RANBP17: variants seen among roughly 807,000 people sequenced by gnomAD.
RANBP17 encodes the protein ran-binding protein 17.
RANBP17 carries 158 observed loss-of-function variants against 141.2 expected under a neutral mutation model. The observed-to-expected ratio is 1.12, with a 90% CI of 0.98 to 1.28. The LOEUF (loss-of-function observed/expected upper bound fraction) is 1.28, where lower values mean the gene tolerates loss of function less well. RANBP17 is among the 50% of genes most tolerant of loss of function. The pLI is 0.00. For synonymous variants in RANBP17, 430 were observed against 450.0 expected, an observed-to-expected ratio of 0.96 and a Z score of 0.56; for missense variants, 1,438 against 1,290.7, an observed-to-expected ratio of 1.11 and a Z score of -1.75.
chr5:171,125,190 G>A lies in RANBP17; in HGVS notation c.1711-44940G>A, dbSNP rs558281843. On this transcript the variant is annotated intron_variant, in intron 14 of 27. Transcript: ENST00000523189. ...CAGATGCCTATAATCCCACCTACTC[G>A]GGAGGCTGAGGCATGAGAATCACTT... 4.6e-5 allele frequency among the ~76,000 whole-genome samples: 7 copies of A among 151,748 alleles called. No individual in the cohort carries two copies. The South Asian group carries it at 8.3e-4, about 18-fold the overall frequency.
At chr5:171,018,807 G>A (rs918023314) in intron 14 of RANBP17, among the ~76,000 whole-genome samples, 5 of 152,156 alleles carry the variant, frequency 3.3e-5, no homozygotes, top group Non-Finnish European at 7.3e-5. Context: ...AATAGGAGTG[G>A]TGAGAGAGGA....
intron 14 of RANBP17, among the ~76,000 whole-genome samples, chr5:170,988,314 G>T (rs961871282): frequency 6.6e-6 from 1 of 150,870 alleles, no homozygotes; most frequent in African/African-American, 2.4e-5. Flanking sequence ...AAGGGAGAGG[G>T]TGATAATTTC....
chr5:170,923,199 C>T (rs1369123948), intron 11 of RANBP17, among the ~76,000 whole-genome samples: 2 of 152,126 alleles, frequency 1.3e-5, no homozygotes, highest in Non-Finnish European at 2.9e-5. Context: ...TGGCATAAGG[C>T]TAGAGTTCTT....
chr5:171,147,168 A>G (rs2127823558), intron 14 of RANBP17, among the ~76,000 whole-genome samples: 1 of 152,232 alleles, frequency 6.6e-6, no homozygotes, highest in South Asian at 2.1e-4. Flanking sequence ...CCCACAACAA[A>G]GAATTATCTG....
chr5:171,065,830 A>G (rs1050593700), intron 14 of RANBP17, among the ~76,000 whole-genome samples: 10 of 151,610 alleles, frequency 6.6e-5, no homozygotes, highest in African/African-American at 2.4e-4. Flanking sequence ...ACAGATCTTT[A>G]TATTCATTAA....
At chr5:171,064,172 T>G (rs1338555373) in intron 14 of RANBP17, among the ~76,000 whole-genome samples, 1 of 152,176 alleles carries the variant, frequency 6.6e-6, no homozygotes, top group Non-Finnish European at 1.5e-5. Context: ...GCACCCACTG[T>G]CCTGCGCCCA....
intron 21 of RANBP17, among the ~76,000 whole-genome samples, chr5:171,214,662 C>T (rs142235534): frequency 0.01 from 1,577 of 152,210 alleles, 10 homozygotes; most frequent in South Asian, 0.018. Flanking sequence ...ATGTGTGTAT[C>T]ATTTTTTTTA....
At chr5:171,083,960 CT>C (rs56784069) in intron 14 of RANBP17, among the ~76,000 whole-genome samples, 56 of 146,906 alleles carry the variant, frequency 3.8e-4, no homozygotes, top group East Asian at 1.6e-3. Context: ...GTGGTTATGT[CT>C]TTTTTTTTTT....
chr5:171,073,071 A>G lies in RANBP17; in HGVS notation c.1711-97059A>G, dbSNP rs1192580647. Among the ~76,000 whole-genome samples the G allele has an allele frequency of 2.0e-5, 3 of 152,124 alleles. No individual in the cohort carries two copies. The East Asian group carries it at 5.8e-4, about 29-fold the overall frequency. ...AGGAGGTGGGGGAGGGGTCAGCTGC[A>G]AAAGGGGTGTGATAGAACTGTTGTT... On this transcript the variant is annotated intron_variant, in intron 14 of 27. Coordinates refer to ENST00000523189, the MANE Select transcript of RANBP17 (RefSeq NM_022897.5).
chr5:171,136,689 TG>T (rs1757313208), intron 14 of RANBP17, among the ~76,000 whole-genome samples: 1 of 152,184 alleles, frequency 6.6e-6, no homozygotes, highest in African/African-American at 2.4e-5. Context: ...CCTCTTTAAA[TG>T]TTTTTGGTAT....
chr5:171,192,565 A>G (rs1210123503), intron 18 of RANBP17, among the ~76,000 whole-genome samples: 2 of 152,212 alleles, frequency 1.3e-5, no homozygotes, highest in Non-Finnish European at 2.9e-5. Context: ...CTTCTGTTAA[A>G]TGGAGAAAAC....
chr5:171,265,262 C>T (rs952100241), intron 24 of RANBP17, among the ~76,000 whole-genome samples: 2 of 152,174 alleles, frequency 1.3e-5, no homozygotes, highest in Non-Finnish European at 2.9e-5. Flanking sequence ...TGGCTGGATA[C>T]GGTGGCTCAT....
chr5:170,941,433 A>T (rs964594830), intron 12 of RANBP17, among the ~76,000 whole-genome samples: 1 of 152,124 alleles, frequency 6.6e-6, no homozygotes, highest in Non-Finnish European at 1.5e-5. Flanking sequence ...AAAAGGTAAA[A>T]TCATTCTTGC....
intron 14 of RANBP17, among the ~76,000 whole-genome samples, chr5:171,006,637 C>A (rs1296591416): frequency 6.6e-6 from 1 of 151,778 alleles, no homozygotes; most frequent in Non-Finnish European, 1.5e-5. Context: ...GGAGATATAC[C>A]TAATGTTACA....
At chr5:170,928,438 A>G (rs566006315) in intron 12 of RANBP17, among the ~76,000 whole-genome samples, 56 of 152,116 alleles carry the variant, frequency 3.7e-4, no homozygotes, top group East Asian at 1.2e-3. Flanking sequence ...GAAGAGTTCT[A>G]TGATTTCTGT....
chr5:171,191,341 G>T (rs978950647), intron 18 of RANBP17, among the ~76,000 whole-genome samples: 2 of 151,970 alleles, frequency 1.3e-5, no homozygotes, highest in Admixed American at 1.3e-4. Context: ...TATCCTTTTT[G>T]ATCCGCCTGC....
intron 1 of RANBP17, among the ~76,000 whole-genome samples, chr5:170,864,398 A>C (rs971292318): frequency 9.8e-5 from 15 of 152,342 alleles, no homozygotes; most frequent in Middle Eastern, 3.4e-3. Flanking sequence ...TCATTGCCAA[A>C]GGCCATCAGT....
chr5:171,063,131 T>C (rs1784023769), intron 14 of RANBP17, among the ~76,000 whole-genome samples: 1 of 152,202 alleles, frequency 6.6e-6, no homozygotes, highest in Non-Finnish European at 1.5e-5. Context: ...CGGAGTAGTT[T>C]GATCGTCTGA....
At chr5:171,277,456 A>G (rs977144116) in intron 25 of RANBP17, among the ~76,000 whole-genome samples, 6 of 151,308 alleles carry the variant, frequency 4.0e-5, no homozygotes, top group African/African-American at 7.3e-5. Flanking sequence ...CATTTCCTTC[A>G]TTCTGTAACA....
Sources: allele counts gnomAD v4.1 joint callset (sites outside exome capture counted in the v4.1 genomes callset), GRCh38; gene constraint gnomAD v4.1.1; transcripts MANE v1.5; gene names NCBI Gene and HGNC (gene_info 2026-07-23, HGNC 2026-07-21).